CEP89: variants seen among roughly 807,000 people sequenced by gnomAD.
The protein encoded by CEP89 is centrosomal protein of 89 kDa.
Under a neutral mutation model 97.6 loss-of-function variants are expected in CEP89, and 95 were observed. That is an observed-to-expected ratio of 0.97 (90% confidence interval 0.82 to 1.15). The LOEUF is 1.15. Ranked by LOEUF, CEP89 falls within the 50% of genes most tolerant of loss-of-function variation. The probability of loss-of-function intolerance (pLI) is 0.00; values close to 1 mark genes in which losing one functional copy is unlikely to be tolerated. For missense variants in CEP89, 869 were observed against 947.7 expected (o/e 0.92, Z 1.09); for synonymous variants, 354 against 349.1 (o/e 1.01, Z -0.16).
At chr19:32,938,279 T>C (rs1568570332) in intron 6 of CEP89, among the ~76,000 whole-genome samples, 1 of 152,088 alleles carries the variant, frequency 6.6e-6, no homozygotes, top group South Asian at 2.1e-4. Flanking sequence ...TGGGCTCACG[T>C]TGAAAAGCAT....
chr19:32,942,685 T>C (rs1970711798), intron 5 of CEP89, among the ~76,000 whole-genome samples: 2 of 152,204 alleles, frequency 1.3e-5, no homozygotes, highest in African/African-American at 4.8e-5. Flanking sequence ...CTTTGTGTCC[T>C]GTGTTCTTAT....
chr19:32,955,547 T>C (rs1971027961), intron 3 of CEP89, among the ~76,000 whole-genome samples: 1 of 152,198 alleles, frequency 6.6e-6, no homozygotes, highest in South Asian at 2.1e-4. Flanking sequence ...GGAGTCTCGC[T>C]CTGTCACCCA....
At chr19:32,911,113 G>A (rs62125027) in intron 14 of CEP89, among the ~76,000 whole-genome samples, 29,445 of 152,078 alleles carry the variant, frequency 0.19, 2,953 homozygotes, top group Middle Eastern at 0.2. Flanking sequence ...ATTGCTCTAC[G>A]ATGTTACAAT....
Position 32,918,339 on chromosome 19 carries a change from C to A in CEP89, c.1269G>T (p.Trp423Cys), listed in dbSNP as rs919053036. ...NKSSAVTSEE[W>C]RQLQTQAKLV... ...GTTTTGCTTGAGTCTGAAGCTGACG[C>A]CTGCAATTGATTTACAAGATGAAAT... is the stretch of plus-strand genomic sequence containing the variant. The change falls in exon 13 of 19, where the codon TGG (tryptophan) becomes TGT (cysteine). Residue 423 changes from tryptophan (W) to cysteine (C), a missense_variant and splice_region_variant. Trp to Cys is a radical substitution (Grantham distance 215). Transcript: ENST00000305768. 3.1e-6 allele frequency: 5 copies of A among 1,607,244 alleles called. No individual in the cohort carries two copies. Among genetic ancestry groups the A allele is most frequent in the Non-Finnish European group, 4.3e-6 (5 of 1,173,768 alleles).
intron 12 of CEP89, among the ~76,000 whole-genome samples, chr19:32,923,237 C>T (rs1221444361): frequency 6.6e-6 from 1 of 152,122 alleles, no homozygotes; most frequent in Non-Finnish European, 1.5e-5. Context: ...TGAGAACCTA[C>T]TTAGAATTTT....
intron 14 of CEP89, among the ~76,000 whole-genome samples, chr19:32,904,017 G>A (rs114188746): frequency 0.01 from 1,567 of 152,244 alleles, 16 homozygotes; most frequent in African/African-American, 0.026. Context: ...AAAATTAGCC[G>A]GGAGCAGTGG....
At chr19:32,949,356 GA>G (rs1851398181) in intron 4 of CEP89, among the ~76,000 whole-genome samples, 1 of 152,040 alleles carries the variant, frequency 6.6e-6, no homozygotes, top group Non-Finnish European at 1.5e-5. Context: ...GGCTGCCTAA[GA>G]GGAAGAGAAA....
intron 1 of CEP89, chr19:32,968,778 T>C (rs73579737): frequency 0.019 from 2,911 of 152,310 alleles, 94 homozygotes; most frequent in African/African-American, 0.067. Flanking sequence ...ATCAGGCTGA[T>C]ATAGGTTGGT....
In CEP89 at chr19:32,901,413, C is replaced by T; in HGVS notation, c.1566-1G>A. On this transcript the variant is annotated splice_acceptor_variant, in intron 14 of 18. Coordinates refer to ENST00000305768, the MANE Select transcript of CEP89 (RefSeq NM_032816.5). LOFTEE classifies it high-confidence loss of function. The stretch of plus-strand genomic sequence containing the variant: ...TTTCTCTTCTTCCTTCTGTAATTGG[C>T]TGAAGGACAAAAACATTACATGCTC... 1 of 1,609,826 alleles carries T rather than the reference C, an allele frequency of 6.2e-7. No homozygotes were observed. The highest frequency in any genetic ancestry group is 1.1e-5 in the South Asian group (1 of 90,300).
intron 9 of CEP89, among the ~76,000 whole-genome samples, 154 bp from the exon 10 acceptor site, chr19:32,927,138 A>C (rs1970376044): frequency 6.6e-6 from 1 of 150,472 alleles, no homozygotes; most frequent in African/African-American, 2.5e-5. Flanking sequence ...CTACCCATCC[A>C]TCCATCCATC....
chr19:32,931,573 T>A lies in CEP89; in HGVS notation c.887-2A>T. The A allele has an allele frequency of 6.4e-7, 1 of 1,574,070 alleles. No individual in the cohort carries two copies. Among genetic ancestry groups the A allele is most frequent in the African/African-American group, 1.4e-5 (1 of 72,418 alleles). On this transcript the variant is annotated splice_acceptor_variant, in intron 8 of 18. Coordinates refer to ENST00000305768, the MANE Select transcript of CEP89 (RefSeq NM_032816.5). LOFTEE classifies it high-confidence loss of function. ...GATAAAGTAATTCAGGTGCAGCAAC[T>A]AGGGAAAAAAATTTAATATTATACT...
intron 12 of CEP89, among the ~76,000 whole-genome samples, chr19:32,922,762 C>T (rs574018872): frequency 1.1e-4 from 16 of 151,632 alleles, no homozygotes; most frequent in East Asian, 1.9e-4. Context: ...GCAGGAGAAT[C>T]GCTTGAATCC....
At position 32,953,716 on chromosome 19, in the gene CEP89, T is replaced by A. The variant is rs764792529; in HGVS notation, c.391A>T (p.Thr131Ser). ...LDYGDEEDIE[T>S]QLSSSGKELG... ...TCCTTGCCGCTGGATGACAGCTGAG[T>A]TTCAATGTCCTCTTCGTCCCCATAG... The change falls in exon 4 of 19, where the codon ACT (threonine) becomes TCT (serine). Residue 131 changes from threonine to serine, a missense_variant. Thr to Ser is a moderately conservative substitution (Grantham distance 58). Transcript: ENST00000305768. 2 of 1,613,836 alleles carry A rather than the reference T, an allele frequency of 1.2e-6. No homozygotes were observed. Among genetic ancestry groups the A allele is most frequent in the African/African-American group, 1.3e-5 (1 of 74,870 alleles).
At chr19:32,900,955 G>A (rs960041079) in intron 15 of CEP89, among the ~76,000 whole-genome samples, 8 of 149,470 alleles carry the variant, frequency 5.4e-5, no homozygotes, top group African/African-American at 7.5e-5. Context: ...GCGTGATCTC[G>A]GCTCACCGCA....
chr19:32,919,259 CA>C (rs1970199697), intron 12 of CEP89, among the ~76,000 whole-genome samples: 1 of 152,174 alleles, frequency 6.6e-6, no homozygotes, highest in Non-Finnish European at 1.5e-5. Context: ...CCTTCCAGTG[CA>C]ATGTAAAACC....
chr19:32,890,213 C>A (rs1278552879), intron 16 of CEP89, among the ~76,000 whole-genome samples: 1 of 152,150 alleles, frequency 6.6e-6, no homozygotes, highest in Non-Finnish European at 1.5e-5. Context: ...TCCTGGCTAA[C>A]ATGGTGAAAT....
intron 16 of CEP89, among the ~76,000 whole-genome samples, chr19:32,895,643 A>G (rs188702996): frequency 6.6e-6 from 1 of 152,262 alleles, no homozygotes; most frequent in Admixed American, 6.5e-5. Flanking sequence ...GAAAGAAATA[A>G]AAGTCATCCA....
intron 12 of CEP89, among the ~76,000 whole-genome samples, chr19:32,921,521 T>C (rs1011382627): frequency 6.6e-6 from 1 of 152,174 alleles, no homozygotes; most frequent in East Asian, 1.9e-4. Context: ...AAATGCAGGA[T>C]TGGGGAACAC....
chr19:32,886,023 C>G (rs1343489250), intron 17 of CEP89, among the ~76,000 whole-genome samples: 1 of 152,194 alleles, frequency 6.6e-6, no homozygotes, highest in Admixed American at 6.5e-5. Flanking sequence ...CTCCCACACC[C>G]TCCTAGGCCT....
Sources: allele counts gnomAD v4.1 joint callset (sites outside exome capture counted in the v4.1 genomes callset), GRCh38; gene constraint gnomAD v4.1.1; transcripts MANE v1.5; gene names NCBI Gene and HGNC (gene_info 2026-07-23, HGNC 2026-07-21).